The following OSTC variants were observed in gnomAD, a reference collection of about 807,000 sequenced individuals.
The protein encoded by OSTC is oligosaccharyltransferase complex non-catalytic subunit.
In OSTC, 16 loss-of-function variants were observed where a neutral mutation model predicts 16.4. The ratio of observed to expected loss-of-function variants is 0.98; its 90% confidence interval spans 0.66 to 1.49. The LOEUF (loss-of-function observed/expected upper bound fraction) is 1.49, where lower values mean the gene tolerates loss of function less well. Among genes scored for constraint, OSTC ranks in the 40% most tolerant of loss-of-function variants. The pLI, the probability that OSTC is intolerant of heterozygous loss-of-function variation, is 0.00. For synonymous variants in OSTC, 67 were observed against 68.5 expected, an observed-to-expected ratio of 0.98 and a Z score of 0.11; for missense variants, 139 against 186.3, an observed-to-expected ratio of 0.75 and a Z score of 1.48.
chr4:108,667,451 C>T lies in OSTC; in HGVS notation c.*186C>T, dbSNP rs1013428987. 1.1e-5 allele frequency: 5 copies of T among 462,320 alleles called. 1 individual carries two copies. The East Asian group carries it at 1.7e-4, about 16-fold the overall frequency. The allele number at this position is 462,320 out of a possible 1,614,324, so 28.6% of individuals were successfully genotyped here. ...GAATTTCTTCTTGGTATTAAAGAGA[C>T]AAGTTTATCACAGAATTTTTTTTCC... On this transcript the variant is annotated 3_prime_UTR_variant, in exon 4 of 4. Transcript: ENST00000361564.
chr4:108,652,707 TA>T (rs1356106573), intron 1 of OSTC, among the ~76,000 whole-genome samples: 1 of 152,128 alleles, frequency 6.6e-6, no homozygotes, highest in African/African-American at 2.4e-5. Context: ...AGATGAGACA[TA>T]TTAAATGTCA....
chr4:108,651,993 G>C (rs529325734), intron 1 of OSTC, among the ~76,000 whole-genome samples: 1 of 152,292 alleles, frequency 6.6e-6, no homozygotes, highest in South Asian at 2.1e-4. Flanking sequence ...TTGGTAACAA[G>C]ATACTATCTA....
chr4:108,652,780 T>A (rs927985962), intron 1 of OSTC, among the ~76,000 whole-genome samples: 4 of 152,226 alleles, frequency 2.6e-5, no homozygotes, highest in African/African-American at 9.6e-5. Context: ...GGCTCACGCC[T>A]GTAATCCAAC....
At chr4:108,661,474 C>T (rs1188364185) in intron 3 of OSTC, among the ~76,000 whole-genome samples, 2 of 152,126 alleles carry the variant, frequency 1.3e-5, no homozygotes, top group South Asian at 2.1e-4. Context: ...TGTTCGGTTA[C>T]TGAGTAGAAG....
intron 3 of OSTC, among the ~76,000 whole-genome samples, chr4:108,658,971 CTTTTTTTTTTTT>C (rs766585998): frequency 3.1e-4 from 26 of 83,896 alleles, no homozygotes; most frequent in Non-Finnish European, 5.4e-4. Context: ...GGCAGCAGCT[CTTTTTTTTTTTT>C]TTTTTTTTTT....
chr4:108,660,629 CA>C (rs1392695729), intron 3 of OSTC, among the ~76,000 whole-genome samples: 2 of 152,020 alleles, frequency 1.3e-5, no homozygotes, highest in South Asian at 4.1e-4. Context: ...AAAAAAACAC[CA>C]ATAGCCACTG....
At chr4:108,658,066 G>T (rs1726759449) in intron 3 of OSTC, among the ~76,000 whole-genome samples, 1 of 151,588 alleles carries the variant, frequency 6.6e-6, no homozygotes, top group Non-Finnish European at 1.5e-5. Context: ...TGAGTAGCCA[G>T]GATTACAGGC....
In OSTC at chr4:108,667,652, A is replaced by C. The variant is rs1437498770; in HGVS notation, c.*387A>C. On this transcript the variant is annotated 3_prime_UTR_variant, in exon 4 of 4. Transcript: ENST00000361564. Reference sequence around the variant, plus strand: ...TTCAGAAATTAACATAAAATCCAGAAGCAAGATTCCGTAAGCTGAGAACTC... The same window carrying C: ...TTCAGAAATTAACATAAAATCCAGACGCAAGATTCCGTAAGCTGAGAACTC... 1 of 162,048 alleles carries C rather than the reference A, an allele frequency of 6.2e-6. No homozygotes were observed. The highest frequency in any genetic ancestry group is 1.3e-5 in the Non-Finnish European group (1 of 74,532). The allele number at this position is 162,048 out of a possible 1,614,324, so 10.0% of individuals were successfully genotyped here. A position where few individuals can be genotyped will look rare whatever the true frequency, so the allele number is the denominator to read the frequency against.
intron 1 of OSTC, among the ~76,000 whole-genome samples, chr4:108,652,733 CCG>C (rs1726589055): frequency 6.6e-6 from 1 of 151,988 alleles, no homozygotes; most frequent in African/African-American, 2.4e-5. Context: ...ATTTTTTTGT[CCG>C]TTAAAAATGT....
At chr4:108,664,841 C>T (rs28626209) in intron 3 of OSTC, among the ~76,000 whole-genome samples, 27,980 of 152,078 alleles carry the variant, frequency 0.18, 4,057 homozygotes, top group African/African-American at 0.37. Context: ...ATCCGCCTGC[C>T]TCAGCCTCCC....
At chr4:108,662,626 A>G (rs1002876197) in intron 3 of OSTC, among the ~76,000 whole-genome samples, 4 of 152,120 alleles carry the variant, frequency 2.6e-5, no homozygotes, top group Admixed American at 6.5e-5. Context: ...TGGTTATTCT[A>G]TGACTTGAGG....
At position 108,657,717 on chromosome 4, in the gene OSTC, C is replaced by T. The variant is rs928478641; in HGVS notation, c.431+70C>T. 5.3e-6 allele frequency: 7 copies of T among 1,323,410 alleles called. No individual in the cohort carries two copies. In the African/African-American group the frequency reaches 7.4e-5, roughly 14 times the overall value. 82.0% of individuals were successfully genotyped at this position (1,323,410 alleles called of 1,614,324 possible). A position where few individuals can be genotyped will look rare whatever the true frequency, so the allele number is the denominator to read the frequency against. On this transcript the variant is annotated intron_variant, in intron 3 of 3. Transcript: ENST00000361564. ...AATGATTACCTGGAAAATGTAAAGT[C>T]ATAGGACATTTAATTTAACTTTCAT... is the stretch of plus-strand genomic sequence containing the variant.
At chr4:108,656,474 A>T (rs998430332) in intron 2 of OSTC, among the ~76,000 whole-genome samples, 2 of 149,562 alleles carry the variant, frequency 1.3e-5, no homozygotes, top group African/African-American at 5.0e-5. Flanking sequence ...AAAAAAAAAA[A>T]TACCCTGTTT....
chr4:108,660,163 C>T (rs1224266231), intron 3 of OSTC, among the ~76,000 whole-genome samples: 1 of 152,176 alleles, frequency 6.6e-6, no homozygotes, highest in Non-Finnish European at 1.5e-5. Context: ...TAAATCCAAA[C>T]TTTAGGCTAG....
intron 3 of OSTC, among the ~76,000 whole-genome samples, chr4:108,660,164 T>C (rs574137095): frequency 1.3e-5 from 2 of 152,324 alleles, no homozygotes; most frequent in African/African-American, 4.8e-5. Flanking sequence ...AAATCCAAAC[T>C]TTAGGCTAGG....
chr4:108,665,929 T>TTAA (rs1461110660), intron 3 of OSTC, among the ~76,000 whole-genome samples: 1 of 152,146 alleles, frequency 6.6e-6, no homozygotes, highest in Non-Finnish European at 1.5e-5. Context: ...AGATTCTTAA[T>TTAA]TAATAATAGA....
intron 1 of OSTC, 106 bp downstream of exon 1, chr4:108,650,900 G>A: frequency 3.3e-6 from 5 of 1,514,038 alleles, no homozygotes; most frequent in Non-Finnish European, 4.5e-6. Flanking sequence ...GCATAGCTCT[G>A]CTTTGGATCT....
intron 3 of OSTC, among the ~76,000 whole-genome samples, chr4:108,666,895 C>T (rs1202263996): frequency 6.6e-6 from 1 of 151,402 alleles, no homozygotes; most frequent in Non-Finnish European, 1.5e-5. Flanking sequence ...ATCCCAGCTA[C>T]TTGGGAGGCT....
intron 1 of OSTC, chr4:108,651,032 C>T (rs1726526329): frequency 4.1e-6 from 2 of 493,054 alleles, no homozygotes; most frequent in Admixed American, 3.6e-5. Flanking sequence ...TCCTTCTAGC[C>T]CTCCCATCCC....
Sources: allele counts gnomAD v4.1 joint callset (sites outside exome capture counted in the v4.1 genomes callset), GRCh38; gene constraint gnomAD v4.1.1; transcripts MANE v1.5; gene names NCBI Gene and HGNC (gene_info 2026-07-23, HGNC 2026-07-21).